The following ASH2L variants were observed in gnomAD, a reference collection of about 807,000 sequenced individuals.
The protein encoded by ASH2L is set1/Ash2 histone methyltransferase complex subunit ASH2.
ASH2L carries 30 observed loss-of-function variants against 81.1 expected under a neutral mutation model. That is an observed-to-expected ratio of 0.37 (90% CI 0.28 to 0.50). The LOEUF (loss-of-function observed/expected upper bound fraction) is 0.50. ASH2L is among the 20% of genes least tolerant of loss of function. ASH2L has a pLI of 0.95. For missense variants in ASH2L, 559 were observed against 792.1 expected (o/e 0.71, Z 3.53); for synonymous variants, 273 against 279.9 (o/e 0.98, Z 0.24).
rs749240588 is a variant in ASH2L at position 38,114,897 on chromosome 8, CT to C, written c.682-3del. On this transcript the variant is annotated splice_polypyrimidine_tract_variant and splice_region_variant and intron_variant, in intron 6 of 15. Coordinates refer to ENST00000343823, the MANE Select transcript of ASH2L (RefSeq NM_004674.5). ...GTTCATTAATAGTAAAACACTACTTCTTTTTAGAGTAAAGAAAGAGATGTAT... is the reference window on the plus strand; with the variant it reads ...GTTCATTAATAGTAAAACACTACTTCTTTTAGAGTAAAGAAAGAGATGTAT... The C allele has an allele frequency of 3.2e-6, 5 of 1,564,142 alleles. No homozygotes were observed. In the South Asian group the frequency reaches 5.6e-5, roughly 17 times the overall value.
intron 1 of ASH2L, chr8:38,105,985 G>T (rs1292327628): frequency 6.5e-7 from 1 of 1,530,698 alleles, no homozygotes; most frequent in Non-Finnish European, 8.7e-7. Context: ...ACCCTGGCAG[G>T]AAGCTGGTAG....
chr8:38,115,405 C>T (rs1810854016), intron 7 of ASH2L, among the ~76,000 whole-genome samples: 2 of 152,272 alleles, frequency 1.3e-5, no homozygotes, highest in African/African-American at 2.4e-5. Context: ...AACAGGCAAA[C>T]GAAAATTGCT....
chr8:38,135,127 G>C (rs1188493503), intron 13 of ASH2L, among the ~76,000 whole-genome samples: 1 of 152,114 alleles, frequency 6.6e-6, no homozygotes, highest in Non-Finnish European at 1.5e-5. Context: ...CTGGCCTCAA[G>C]TAATCCTCTC....
chr8:38,114,521 C>G (rs1187919805), intron 6 of ASH2L, among the ~76,000 whole-genome samples: 2 of 152,078 alleles, frequency 1.3e-5, no homozygotes, highest in Non-Finnish European at 2.9e-5. Flanking sequence ...TGTATTGAAA[C>G]TTGTCCACAG....
At chr8:38,109,636 C>CT (rs889488427) in intron 3 of ASH2L, among the ~76,000 whole-genome samples, 5 of 152,226 alleles carry the variant, frequency 3.3e-5, no homozygotes, top group Non-Finnish European at 7.3e-5. Context: ...CTCTTCCTCT[C>CT]TTGCCTTCAA....
In ASH2L at chr8:38,128,912, A is replaced by G. The variant is rs375068964; in HGVS notation, c.1488A>G (p.Thr496=). The change falls in exon 12 of 16, where the codon ACA becomes ACG. Residue 496 remains threonine (T), a synonymous_variant. Transcript: ENST00000343823. ...LGFYINLPED[T]ETAKSLPDTY... is the part of the protein sequence containing the mutation. ...TTTATATTAATCTTCCTGAAGACACAGAGACAGCCAAGTCATTGCCAGACA... is the reference window on the plus strand; with the variant it reads ...TTTATATTAATCTTCCTGAAGACACGGAGACAGCCAAGTCATTGCCAGACA... The G allele has an allele frequency of 3.1e-4, 505 of 1,613,702 alleles. No homozygotes were observed. The highest frequency in any genetic ancestry group is 4.1e-4 in the Non-Finnish European group (489 of 1,179,896).
At chr8:38,129,104 C>T (rs1174029855) in intron 12 of ASH2L, among the ~76,000 whole-genome samples, 153 bp downstream of exon 12, 4 of 152,130 alleles carry the variant, frequency 2.6e-5, no homozygotes, top group African/African-American at 4.8e-5. Context: ...CAGTAACAAT[C>T]GGTGCACAAA....
In ASH2L at chr8:38,107,073, A is replaced by T; in HGVS notation, c.308A>T (p.Asp103Val). The T allele has an allele frequency of 6.2e-7, 1 of 1,614,140 alleles. No homozygotes were observed. Among genetic ancestry groups the T allele is most frequent in the Non-Finnish European group, 8.5e-7 (1 of 1,179,994 alleles). ...EVMDTQAGSV[D>V]EENGRQLGEV... ...ATGGATACTCAGGCGGGCTCCGTGG[A>T]TGAAGAGAATGGCCGACAGTTGGGT... The change falls in exon 3 of 16, where the codon GAT (aspartate) becomes GTT (valine). Residue 103 changes from aspartate to valine, a missense_variant. Around this residue, in one of 4 missense-constraint regions of ASH2L, gnomAD observed 318 missense variants for 527.0 expected, o/e 0.60. Coordinates refer to ENST00000343823, the MANE Select transcript of ASH2L (RefSeq NM_004674.5).
chr8:38,121,343 A>T (rs397833580), intron 10 of ASH2L, among the ~76,000 whole-genome samples, 194 bp downstream of exon 10: 843 of 35,252 alleles, frequency 0.024, 18 homozygotes, highest in Non-Finnish European at 0.035. Flanking sequence ...TTATATATAT[A>T]TATATATATA....
chr8:38,117,728 ACTT>A (rs1469553425), intron 8 of ASH2L: 1 of 152,358 alleles, frequency 6.6e-6, no homozygotes, highest in Admixed American at 6.6e-5. Flanking sequence ...TGGATCTGAA[ACTT>A]CTTAAAATAA....
rs1269842090 is a variant in ASH2L at position 38,129,899 on chromosome 8, G to A, written c.1527+948G>A. Among the ~76,000 whole-genome samples, 3 of 152,178 alleles carry A rather than the reference G, an allele frequency of 2.0e-5. No individual in the cohort carries two copies. The East Asian group carries it at 5.8e-4, about 29-fold the overall frequency. ...GACACTTGGGCCGTCTCAGGTTTGGGGCTACTATGAGCAAGATGCTATGAA... is the reference window on the plus strand; with the variant it reads ...GACACTTGGGCCGTCTCAGGTTTGGAGCTACTATGAGCAAGATGCTATGAA... On this transcript the variant is annotated intron_variant, in intron 12 of 15. Transcript: ENST00000343823.
chr8:38,105,859 C>A, intron 1 of ASH2L, 121 bp downstream of exon 1: 1 of 1,437,278 alleles, frequency 7.0e-7, no homozygotes, highest in Non-Finnish European at 9.1e-7. Flanking sequence ...CAATGGCTCG[C>A]CCTGCCTCTG....
intron 12 of ASH2L, among the ~76,000 whole-genome samples, chr8:38,130,576 A>G (rs1402331739): frequency 1.3e-5 from 2 of 151,896 alleles, no homozygotes; most frequent in East Asian, 1.9e-4. Flanking sequence ...GCTTTTACAC[A>G]TAGGTGTCTG....
intron 10 of ASH2L, among the ~76,000 whole-genome samples, chr8:38,126,442 A>G (rs1033332494): frequency 6.6e-6 from 1 of 152,180 alleles, no homozygotes; most frequent in Non-Finnish European, 1.5e-5. Flanking sequence ...TCCATGGATT[A>G]TTTAATAGTA....
At chr8:38,121,213 T>A (rs1394890954) in intron 10 of ASH2L, 64 bp downstream of exon 10, 1 of 1,453,590 alleles carries the variant, frequency 6.9e-7, no homozygotes, top group Non-Finnish European at 9.6e-7. Context: ...ATTAGCCTTG[T>A]CAGTCTAGAA....
chr8:38,106,774 G>C lies in ASH2L; in HGVS notation c.256-247G>C, dbSNP rs539014626. ...GATTCTCCCGCCTCAGCCTCCCAGA[G>C]TGTTGGGATTACAGGCGTGAGCCAC... On this transcript the variant is annotated intron_variant, in intron 2 of 15. Coordinates refer to ENST00000343823, the MANE Select transcript of ASH2L (RefSeq NM_004674.5). Among the ~76,000 whole-genome samples, 6 of 151,970 alleles carry C rather than the reference G, an allele frequency of 3.9e-5. No individual in the cohort carries two copies. In the South Asian group the frequency reaches 1.2e-3, roughly 32 times the overall value.
chr8:38,119,043 T>C (rs1811026217), intron 8 of ASH2L: 1 of 431,488 alleles, frequency 2.3e-6, no homozygotes, highest in Admixed American at 4.7e-5. Context: ...CCAACCATCA[T>C]AGTGCTGGAT....
chr8:38,114,850 T>C, intron 6 of ASH2L, 55 bp from the exon 7 acceptor site: 1 of 1,163,440 alleles, frequency 8.6e-7, no homozygotes, highest in Non-Finnish European at 1.3e-6. Flanking sequence ...GATTATTAAT[T>C]CCATACTTTT....
chr8:38,124,583 A>G (rs565185698), intron 10 of ASH2L: 2 of 152,160 alleles, frequency 1.3e-5, no homozygotes, highest in East Asian at 3.9e-4. Context: ...TGGTGTAATC[A>G]TGGCTCACTG....
Sources: allele counts gnomAD v4.1 joint callset (sites outside exome capture counted in the v4.1 genomes callset), GRCh38; gene constraint gnomAD v4.1.1; regional missense constraint gnomAD v4.1.1; transcripts MANE v1.5; gene names NCBI Gene and HGNC (gene_info 2026-07-23, HGNC 2026-07-21).